Variants in WWP1 observed in about 807,000 individuals in gnomAD.
WWP1 encodes NEDD4-like E3 ubiquitin-protein ligase WWP1.
Under a neutral mutation model 130.6 loss-of-function variants are expected in WWP1, and 49 were observed. The ratio of observed to expected loss-of-function variants is 0.38; its 90% CI spans 0.30 to 0.48. The LOEUF (loss-of-function observed/expected upper bound fraction) is 0.48. WWP1 is among the 20% of genes least tolerant of loss of function. WWP1 has a pLI of 0.99. For missense variants in WWP1, 809 were observed against 1,100.6 expected (o/e 0.74, Z 3.75); for synonymous variants, 332 against 367.8 (o/e 0.90, Z 1.11).
At chr8:86,453,340 C>T (rs1811276180) in intron 21 of WWP1, among the ~76,000 whole-genome samples, 1 of 152,138 alleles carries the variant, frequency 6.6e-6, no homozygotes, top group Non-Finnish European at 1.5e-5. Context: ...CCTCAAGGTT[C>T]ATTCGTCCTG....
intron 5 of WWP1, among the ~76,000 whole-genome samples, chr8:86,392,462 T>C (rs1467535925): frequency 6.6e-6 from 1 of 152,188 alleles, no homozygotes; most frequent in African/African-American, 2.4e-5. Context: ...TTATTTTATT[T>C]TTTATGGTGT....
intron 3 of WWP1, among the ~76,000 whole-genome samples, chr8:86,374,899 G>C (rs763244770): frequency 4.6e-5 from 7 of 151,980 alleles, no homozygotes; most frequent in Admixed American, 1.3e-4. Context: ...TTTTTTTAGA[G>C]ACAGGGTCTC....
intron 22 of WWP1, among the ~76,000 whole-genome samples, chr8:86,459,016 CT>C (rs1357502758): frequency 7.9e-6 from 1 of 125,832 alleles, no homozygotes; most frequent in African/African-American, 3.1e-5. Context: ...TTTTCTTTTT[CT>C]TTTTTCTTTT....
intron 17 of WWP1, among the ~76,000 whole-genome samples, chr8:86,441,113 AT>A (rs1272326725): frequency 6.6e-6 from 1 of 152,202 alleles, no homozygotes; most frequent in Non-Finnish European, 1.5e-5. Context: ...TGTTTTAGCC[AT>A]TCTTCTTTTG....
chr8:86,436,280 CAA>C (rs1586458602), intron 16 of WWP1, among the ~76,000 whole-genome samples: 1 of 152,170 alleles, frequency 6.6e-6, no homozygotes, highest in East Asian at 1.9e-4. Context: ...TTTATTACCT[CAA>C]AGTTTTGATA....
chr8:86,416,797 C>G (rs1390420286), intron 9 of WWP1, among the ~76,000 whole-genome samples: 1 of 152,138 alleles, frequency 6.6e-6, no homozygotes, highest in Non-Finnish European at 1.5e-5. Context: ...TGAATTTTCA[C>G]TACGGGATTA....
At chr8:86,435,603 A>G (rs1288488087) in intron 15 of WWP1, 30 bp from the exon 16 acceptor site, 4 of 1,611,688 alleles carry the variant, frequency 2.5e-6, no homozygotes, top group East Asian at 2.2e-5. Flanking sequence ...TATAACTCAG[A>G]TGATATTATG....
At position 86,430,585 on chromosome 8, in the gene WWP1, T is replaced by C. The variant is rs1809882849; in HGVS notation, c.1333-112T>C. ...AGCCACTGCGCCCAACCCCTTATCA[T>C]ATTTTTAGAAAATTATTATAAAATG... On this transcript the variant is annotated intron_variant, in intron 11 of 24. Coordinates refer to ENST00000517970, the MANE Select transcript of WWP1 (RefSeq NM_007013.4). 3 of 869,406 alleles carry C rather than the reference T, an allele frequency of 3.5e-6. No homozygotes were observed. The South Asian group carries it at 6.8e-5, about 20-fold the overall frequency. 53.9% of individuals were successfully genotyped at this position (869,406 alleles called of 1,614,324 possible). A position where few individuals can be genotyped will look rare whatever the true frequency, so the allele number is the denominator to read the frequency against.
chr8:86,366,891 G>A (rs919493342), intron 1 of WWP1, among the ~76,000 whole-genome samples: 1 of 151,952 alleles, frequency 6.6e-6, no homozygotes, highest in Non-Finnish European at 1.5e-5. Context: ...TACTATATTC[G>A]TATATATAAT....
intron 1 of WWP1, among the ~76,000 whole-genome samples, chr8:86,362,329 G>T (rs1472130079): frequency 6.7e-6 from 1 of 150,338 alleles, no homozygotes; most frequent in Non-Finnish European, 1.5e-5. Flanking sequence ...GCTTATGTCA[G>T]TATTTTTCAG....
At chr8:86,384,284 T>C (rs957822229) in intron 5 of WWP1, among the ~76,000 whole-genome samples, 6 of 152,180 alleles carry the variant, frequency 3.9e-5, no homozygotes, top group Admixed American at 2.0e-4. Flanking sequence ...AAACAAAAGG[T>C]AAATAAATTT....
intron 8 of WWP1, among the ~76,000 whole-genome samples, chr8:86,407,439 T>C (rs978287305): frequency 1.3e-5 from 2 of 152,170 alleles, no homozygotes; most frequent in East Asian, 1.9e-4. Context: ...TCCTGTGCAT[T>C]ATATTAATAG....
intron 9 of WWP1, among the ~76,000 whole-genome samples, chr8:86,420,629 A>G (rs1809148252): frequency 6.6e-6 from 1 of 152,190 alleles, no homozygotes; most frequent in Non-Finnish European, 1.5e-5. Context: ...AATAAGTAAA[A>G]GAAGTAAATA....
At chr8:86,436,567 C>T (rs1810298580) in intron 16 of WWP1, among the ~76,000 whole-genome samples, 1 of 152,190 alleles carries the variant, frequency 6.6e-6, no homozygotes, top group South Asian at 2.1e-4. Context: ...TATTGGTTTA[C>T]TGCTGTTCTG....
intron 1 of WWP1, among the ~76,000 whole-genome samples, chr8:86,345,727 A>G (rs961725796): frequency 6.6e-6 from 1 of 152,048 alleles, no homozygotes; most frequent in African/African-American, 2.4e-5. Flanking sequence ...GAGCTTTTTA[A>G]AACAGTAGAA....
intron 9 of WWP1, among the ~76,000 whole-genome samples, chr8:86,415,630 G>A (rs1339965391): frequency 2.0e-5 from 3 of 152,072 alleles, no homozygotes; most frequent in Non-Finnish European, 4.4e-5. Flanking sequence ...AATCTTTATC[G>A]AGATACAGAA....
intron 5 of WWP1, among the ~76,000 whole-genome samples, chr8:86,397,885 C>T (rs935256185): frequency 7.8e-4 from 118 of 152,208 alleles, no homozygotes; most frequent in East Asian, 1.4e-3. Flanking sequence ...CAACACTGTC[C>T]CTTTAGTTTG....
At chr8:86,400,145 A>G (rs1305756554) in intron 7 of WWP1, among the ~76,000 whole-genome samples, 1 of 152,068 alleles carries the variant, frequency 6.6e-6, no homozygotes, top group African/African-American at 2.4e-5. Context: ...CCTGGCCAAC[A>G]TGGTGAAACC....
At chr8:86,435,416 T>C (rs1810236874) in intron 14 of WWP1, 36 bp from the exon 15 acceptor site, 9 of 1,599,430 alleles carry the variant, frequency 5.6e-6, no homozygotes, top group Non-Finnish European at 6.9e-6. Context: ...TCAACTTTAT[T>C]ATGAGTTAAT....
Sources: allele counts gnomAD v4.1 joint callset (sites outside exome capture counted in the v4.1 genomes callset), GRCh38; gene constraint gnomAD v4.1.1; transcripts MANE v1.5; gene names NCBI Gene and HGNC (gene_info 2026-07-23, HGNC 2026-07-21).